The following RBFOX1 variants were observed in gnomAD, a reference collection of about 807,000 sequenced individuals.
RBFOX1 encodes the protein RNA binding protein fox-1 homolog 1.
RBFOX1 carries 8 observed loss-of-function variants against 57.7 expected under a neutral mutation model. The observed-to-expected ratio is 0.14, with a 90% CI of 0.08 to 0.25. RBFOX1 has a LOEUF of 0.25. Among genes scored for constraint, RBFOX1 ranks in the 10% least tolerant of loss-of-function variants. The pLI is 1.00. For synonymous variants in RBFOX1, 326 were observed against 222.4 expected (o/e 1.47, Z -4.15); for missense variants, 611 against 548.5 (o/e 1.11, Z -1.14).
chr16:7,416,801 T>C (rs912924209), intron 4 of RBFOX1, among the ~76,000 whole-genome samples: 2 of 152,092 alleles, frequency 1.3e-5, no homozygotes, highest in African/African-American at 2.4e-5. Context: ...TGAGTAGATA[T>C]CATGTATCAA....
chr16:7,303,850 C>G (rs904007373), intron 4 of RBFOX1, among the ~76,000 whole-genome samples: 1 of 146,148 alleles, frequency 6.8e-6, no homozygotes, highest in Admixed American at 6.8e-5. Flanking sequence ...TCCTCTCCCT[C>G]CCTCCCTCCC....
intron 4 of RBFOX1, among the ~76,000 whole-genome samples, chr16:7,400,350 C>G: frequency 6.6e-6 from 1 of 152,110 alleles, no homozygotes; most frequent in East Asian, 1.9e-4. Flanking sequence ...TCCCACTGAA[C>G]CCATCTTTAA....
chr16:7,136,186 G>A (rs2071900444), intron 4 of RBFOX1, among the ~76,000 whole-genome samples: 1 of 152,188 alleles, frequency 6.6e-6, no homozygotes, highest in South Asian at 2.1e-4. Context: ...GCATTTCCAA[G>A]GAACAGAATA....
At chr16:6,988,171 G>C (rs1378835355) in intron 3 of RBFOX1, among the ~76,000 whole-genome samples, 1 of 152,156 alleles carries the variant, frequency 6.6e-6, no homozygotes, top group East Asian at 1.9e-4. Context: ...ACACAGCAGA[G>C]TTTTAGAAGT....
At position 5,479,296 on chromosome 16, in the gene RBFOX1, C is replaced by G. The variant is rs1413880628; in HGVS notation, c.258+12042C>G. 3.3e-5 allele frequency among the ~76,000 whole-genome samples: 5 copies of G among 152,158 alleles called. No individual in the cohort carries two copies. In the South Asian group the frequency reaches 1.0e-3, roughly 32 times the overall value. Reference sequence around the variant, plus strand: ...CATGTTTGCCCTGTTCATTGCTCATCTCTGTCCCTAGAACAAGGACTGTAA... The same window carrying G: ...CATGTTTGCCCTGTTCATTGCTCATGTCTGTCCCTAGAACAAGGACTGTAA... On this transcript the variant is annotated intron_variant, in intron 2 of 2. Coordinates refer to the RBFOX1 transcript ENST00000585867.
rs372333617 is a variant in RBFOX1 at position 7,168,707 on chromosome 16, C to G, written c.27+116609C>G. On this transcript the variant is annotated intron_variant, in intron 4 of 15. Coordinates refer to ENST00000550418, the MANE Select transcript of RBFOX1 (RefSeq NM_018723.4). Reference sequence around the variant, plus strand: ...TTCCTTCCTGTTACAAATTTTCTTCCTAGATTTACTCTTCAGTCCCTAAAA... The same window carrying G: ...TTCCTTCCTGTTACAAATTTTCTTCGTAGATTTACTCTTCAGTCCCTAAAA... Among the ~76,000 whole-genome samples the G allele has an allele frequency of 1.8e-4, 27 of 152,180 alleles. No homozygotes were observed. In the East Asian group the frequency reaches 1.9e-3, roughly 11 times the overall value.
At chr16:5,718,086 G>A (rs901496048) in intron 3 of RBFOX1, among the ~76,000 whole-genome samples, 5 of 152,142 alleles carry the variant, frequency 3.3e-5, no homozygotes, top group Admixed American at 6.5e-5. Flanking sequence ...GGGTGTCATC[G>A]AATACGATGC....
At chr16:6,404,449 A>G (rs2093199628) in intron 2 of RBFOX1, among the ~76,000 whole-genome samples, 1 of 152,112 alleles carries the variant, frequency 6.6e-6, no homozygotes, top group Admixed American at 6.5e-5. Flanking sequence ...TTCAGTTACA[A>G]ATGCAATTTT....
chr16:6,472,835 G>T, intron 2 of RBFOX1, among the ~76,000 whole-genome samples: 1 of 151,956 alleles, frequency 6.6e-6, no homozygotes, highest in East Asian at 1.9e-4. Flanking sequence ...GTGTTGTCCA[G>T]GCTGGTCTCG....
chr16:7,295,537 C>T (rs2095871837), intron 4 of RBFOX1, among the ~76,000 whole-genome samples: 2 of 152,078 alleles, frequency 1.3e-5, no homozygotes, highest in South Asian at 2.1e-4. Context: ...TCATTATTCT[C>T]CTTAGAATGA....
At chr16:6,158,567 T>C (rs1303155340) in intron 1 of RBFOX1, among the ~76,000 whole-genome samples, 2 of 152,210 alleles carry the variant, frequency 1.3e-5, no homozygotes, top group African/African-American at 2.4e-5. Flanking sequence ...TTCTAGCAAA[T>C]GGAGTGGTGT....
intron 4 of RBFOX1, among the ~76,000 whole-genome samples, chr16:7,132,957 C>G (rs556634547): frequency 6.6e-6 from 1 of 152,118 alleles, no homozygotes; most frequent in Admixed American, 6.5e-5. Context: ...TCTGATGAAA[C>G]TGCAAACTAG....
At chr16:5,380,017 G>A (rs2066090661) in intron 1 of RBFOX1, among the ~76,000 whole-genome samples, 2 of 152,170 alleles carry the variant, frequency 1.3e-5, no homozygotes, top group African/African-American at 2.4e-5. Flanking sequence ...TGCAGTGGGC[G>A]GTGTGAGGGC....
rs1596443129 is a variant in RBFOX1, at chr16:5,609,864, G to T, written c.318+10903G>T. ...GTGGGGGTGGGGAGCAGAGGACTGT[G>T]CAGAGACGGTGGGGGCGGGGTGGAA... On this transcript the variant is annotated intron_variant, in intron 3 of 19. Coordinates refer to the RBFOX1 transcript ENST00000641259. Among the ~76,000 whole-genome samples the T allele has an allele frequency of 2.7e-5, 4 of 150,038 alleles. 1 individual carries two copies. Among genetic ancestry groups the T allele is most frequent in the African/African-American group, 9.8e-5 (4 of 40,806 alleles).
At chr16:7,421,815 G>A (rs2098545358) in intron 4 of RBFOX1, among the ~76,000 whole-genome samples, 1 of 152,192 alleles carries the variant, frequency 6.6e-6, no homozygotes, top group African/African-American at 2.4e-5. Flanking sequence ...TAATGATGGG[G>A]CACTGAATTA....
At chr16:7,518,120 C>A (rs1478721594) in intron 4 of RBFOX1, 27 bp from the exon 5 acceptor site, 1 of 1,594,192 alleles carries the variant, frequency 6.3e-7, no homozygotes, top group Non-Finnish European at 8.6e-7. Flanking sequence ...ACGTTCTCTC[C>A]CTCTCTGCAC....
chr16:5,548,171 AAAAATAT>A lies in RBFOX1; in HGVS notation c.259-50729_259-50723del, dbSNP rs1447745894. Among the ~76,000 whole-genome samples, 206 of 37,498 alleles carry A rather than the reference AAAAATAT, an allele frequency of 5.5e-3. 1 individual carries two copies. The highest frequency in any genetic ancestry group is 0.018 in the South Asian group (9 of 492). The allele number at this position is 37,498 out of a possible 152,430, so 24.6% of individuals were successfully genotyped here. A position where few individuals can be genotyped will look rare whatever the true frequency, so the allele number is the denominator to read the frequency against. ...GCAAGACTCTGTTAAAAAAAAAAAAAAAAATATATATATATATATATATATATATATA... is the reference window on the plus strand; with the variant it reads ...GCAAGACTCTGTTAAAAAAAAAAAAAATATATATATATATATATATATATA... On this transcript the variant is annotated intron_variant, in intron 2 of 2. Transcript: ENST00000585867.
At chr16:7,284,078 G>T (rs1404140853) in intron 4 of RBFOX1, among the ~76,000 whole-genome samples, 1 of 152,146 alleles carries the variant, frequency 6.6e-6, no homozygotes, top group African/African-American at 2.4e-5. Flanking sequence ...TAATGGATTT[G>T]AGATTCATCC....
intron 5 of RBFOX1, among the ~76,000 whole-genome samples, chr16:7,557,183 C>G (rs2088810101): frequency 6.6e-6 from 1 of 152,150 alleles, no homozygotes; most frequent in African/African-American, 2.4e-5. Context: ...ACGTGCTACT[C>G]ATGGGGCCGG....
Sources: allele counts gnomAD v4.1 joint callset (sites outside exome capture counted in the v4.1 genomes callset), GRCh38; gene constraint gnomAD v4.1.1; transcripts MANE v1.5; gene names NCBI Gene and HGNC (gene_info 2026-07-23, HGNC 2026-07-21).